BTAF1: variants seen among roughly 807,000 people sequenced by gnomAD.
BTAF1 encodes the protein TATA-binding protein-associated factor 172.
BTAF1 carries 38 observed loss-of-function variants against 227.1 expected under a neutral mutation model. The observed-to-expected ratio is 0.17, with a 90% CI of 0.13 to 0.22. The LOEUF is 0.22. Among genes scored for constraint, BTAF1 ranks in the 10% least tolerant of loss-of-function variants. BTAF1 has a pLI of 1.00. For synonymous variants in BTAF1, 742 were observed against 751.9 expected, an observed-to-expected ratio of 0.99 and a Z score of 0.21; for missense variants, 1,598 against 2,204.0, an observed-to-expected ratio of 0.73 and a Z score of 5.51.
chr10:91,980,054 T>C (rs1205995275), intron 14 of BTAF1, among the ~76,000 whole-genome samples: 1 of 152,170 alleles, frequency 6.6e-6, no homozygotes, highest in Non-Finnish European at 1.5e-5. Flanking sequence ...CATATAGAAC[T>C]TAAACTCTGA....
chr10:92,026,149 A>T (rs1007479903), intron 35 of BTAF1, among the ~76,000 whole-genome samples: 3 of 152,154 alleles, frequency 2.0e-5, no homozygotes, highest in Admixed American at 6.5e-5. Flanking sequence ...CCTAGAAGTT[A>T]CTAGATATCC....
chr10:91,968,357 T>C (rs1006829708), intron 14 of BTAF1, among the ~76,000 whole-genome samples: 1 of 152,238 alleles, frequency 6.6e-6, no homozygotes, highest in African/African-American at 2.4e-5. Context: ...TTAAGGTTTC[T>C]CCATGTCTTT....
rs529360169 is a variant in BTAF1, at chr10:92,018,680, G to T, written c.4711-103G>T. 38 of 1,040,694 alleles carry T rather than the reference G, an allele frequency of 3.7e-5. No individual in the cohort carries two copies. The East Asian group carries it at 1.0e-3, about 28-fold the overall frequency. The allele number at this position is 1,040,694 out of a possible 1,614,324, so 64.5% of individuals were successfully genotyped here. A position where few individuals can be genotyped will look rare whatever the true frequency, so the allele number is the denominator to read the frequency against. ...TTGCCGAGCAAGAAGAGGGAGAAAG[G>T]CATTCTAAACAGCATAGGAAATAGC... On this transcript the variant is annotated intron_variant, in intron 33 of 37. Transcript: ENST00000265990.
intron 1 of BTAF1, among the ~76,000 whole-genome samples, chr10:91,931,299 G>T (rs554058091): frequency 1.3e-5 from 2 of 152,218 alleles, no homozygotes; most frequent in South Asian, 4.1e-4. Flanking sequence ...TTGAAAATGG[G>T]CCAGATTTCT....
chr10:91,985,294 G>A (rs906885937), intron 19 of BTAF1, among the ~76,000 whole-genome samples: 2 of 131,792 alleles, frequency 1.5e-5, no homozygotes, highest in Non-Finnish European at 1.7e-5. Context: ...ACTAATCTGT[G>A]TTATATATAT....
chr10:91,981,658 T>C lies in BTAF1; in HGVS notation c.1771T>C (p.Leu591=). Residue 591 remains leucine, a synonymous_variant, in exon 16 of 38, where the codon TTG becomes CTG. Coordinates refer to ENST00000265990, the MANE Select transcript of BTAF1 (RefSeq NM_003972.3). ...DLIHKVWMEL[L]SKASVQYVVA... is the part of the protein sequence containing the mutation. Reference sequence around the variant, plus strand: ...TACCCTGCAGGTTTGGATGGAACTGTTGAGTAAGGCTTCAGTTCAGTATGT... The same window carrying C: ...TACCCTGCAGGTTTGGATGGAACTGCTGAGTAAGGCTTCAGTTCAGTATGT... 6.2e-7 allele frequency: 1 copy of C among 1,610,182 alleles called. No homozygotes were observed. Among genetic ancestry groups the C allele is most frequent in the Non-Finnish European group, 8.5e-7 (1 of 1,178,846 alleles).
chr10:91,955,935 G>T (rs922578163), intron 6 of BTAF1, among the ~76,000 whole-genome samples: 4 of 152,210 alleles, frequency 2.6e-5, no homozygotes, highest in African/African-American at 4.8e-5. Flanking sequence ...GCTTTAAAAT[G>T]TGCTAAGTTT....
chr10:92,027,394 CT>C, intron 37 of BTAF1, 94 bp downstream of exon 37: 3 of 1,191,212 alleles, frequency 2.5e-6, no homozygotes, highest in Non-Finnish European at 3.5e-6. Context: ...AATGCGTTTA[CT>C]TTAGTATCCA....
At chr10:91,971,460 A>G (rs1185897702) in intron 14 of BTAF1, among the ~76,000 whole-genome samples, 1 of 138,624 alleles carries the variant, frequency 7.2e-6, no homozygotes, top group African/African-American at 2.6e-5. Context: ...ATAATGGTAT[A>G]AAGCCAAACT....
At chr10:91,973,702 A>C in intron 14 of BTAF1, among the ~76,000 whole-genome samples, 1 of 151,826 alleles carries the variant, frequency 6.6e-6, no homozygotes, top group Middle Eastern at 3.2e-3. Context: ...CAGGAGATCG[A>C]GACCATCCCG....
At chr10:91,962,770 C>T (rs1213589930) in intron 12 of BTAF1, 92 bp downstream of exon 12, 2 of 1,215,314 alleles carry the variant, frequency 1.6e-6, no homozygotes, top group Non-Finnish European at 2.2e-6. Flanking sequence ...CATTTTTCTC[C>T]TTCATCTTCA....
chr10:91,960,819 G>C (rs966165246), intron 11 of BTAF1, among the ~76,000 whole-genome samples: 4 of 152,118 alleles, frequency 2.6e-5, no homozygotes, highest in African/African-American at 9.7e-5. Context: ...TGCATATGCA[G>C]ATAGTCCCCT....
intron 11 of BTAF1, among the ~76,000 whole-genome samples, chr10:91,961,918 T>C (rs1846549792): frequency 6.6e-6 from 1 of 152,174 alleles, no homozygotes; most frequent in Non-Finnish European, 1.5e-5. Context: ...AGGCTAGGAT[T>C]CTGGCAGAGG....
Position 91,981,569 on chromosome 10 carries a change from A to T in BTAF1, c.1756-74A>T, listed in dbSNP as rs376981305. 34 of 1,428,736 alleles carry T rather than the reference A, an allele frequency of 2.4e-5. No homozygotes were observed. In the East Asian group the frequency reaches 4.7e-4, roughly 20 times the overall value. 88.5% of individuals were successfully genotyped at this position (1,428,736 alleles called of 1,614,324 possible). A position where few individuals can be genotyped will look rare whatever the true frequency, so the allele number is the denominator to read the frequency against. ...ATTTCCTACTTAAAAAAACCTCAGT[A>T]TTCCTAAAGATAAGTGTTAGAGTTT... On this transcript the variant is annotated intron_variant, in intron 15 of 37. Coordinates refer to ENST00000265990, the MANE Select transcript of BTAF1 (RefSeq NM_003972.3).
intron 5 of BTAF1, among the ~76,000 whole-genome samples, chr10:91,952,794 G>C (rs1250444890): frequency 6.6e-6 from 1 of 152,012 alleles, no homozygotes; most frequent in Non-Finnish European, 1.5e-5. Flanking sequence ...GAAGGAAATG[G>C]GGTAGAAAGG....
In BTAF1 at chr10:92,030,410, T is replaced by C. The variant is rs1199669159; in HGVS notation, c.*1477T>C. ...AGGTATACAGGTTTTTTTTCATTGT[T>C]TAGGATTTTAACTCAAAACTTTATG... On this transcript the variant is annotated 3_prime_UTR_variant, in exon 38 of 38. Transcript: ENST00000265990. 1 of 152,280 alleles carries C rather than the reference T, an allele frequency of 6.6e-6. No homozygotes were observed. The highest frequency in any genetic ancestry group is 2.4e-5 in the African/African-American group (1 of 41,458). 9.4% of individuals were successfully genotyped at this position (152,280 alleles called of 1,614,324 possible). A position where few individuals can be genotyped will look rare whatever the true frequency, so the allele number is the denominator to read the frequency against.
intron 6 of BTAF1, among the ~76,000 whole-genome samples, chr10:91,955,220 CT>C (rs1846015287): frequency 6.6e-6 from 1 of 152,144 alleles, no homozygotes; most frequent in Non-Finnish European, 1.5e-5. Flanking sequence ...CATACAAGCA[CT>C]TTTAGCCAAA....
chr10:91,943,932 C>T (rs958098010), intron 4 of BTAF1, among the ~76,000 whole-genome samples: 1 of 152,120 alleles, frequency 6.6e-6, no homozygotes, highest in Non-Finnish European at 1.5e-5. Flanking sequence ...GGGCAGTTCA[C>T]CTGAGATCGG....
At chr10:91,927,060 C>T (rs1039690235) in intron 1 of BTAF1, among the ~76,000 whole-genome samples, 7 of 152,200 alleles carry the variant, frequency 4.6e-5, no homozygotes, top group Middle Eastern at 3.4e-3. Context: ...ATTTTGTTAC[C>T]CCCTACTGTT....
Sources: gnomAD v4.1 joint callset for allele counts (sites outside exome capture counted in the v4.1 genomes callset) on GRCh38, gnomAD v4.1.1 for gene constraint, MANE v1.5 for transcripts, NCBI Gene and HGNC (gene_info 2026-07-23, HGNC 2026-07-21) for gene names.